ITSN2: variants seen among roughly 807,000 people sequenced by gnomAD.
The protein encoded by ITSN2 is intersectin 2.
Under a neutral mutation model 243.7 loss-of-function variants are expected in ITSN2, and 156 were observed. That is an observed-to-expected ratio of 0.64 (90% confidence interval 0.56 to 0.73). The LOEUF is 0.73. Ranked by LOEUF, ITSN2 falls within the 30% of genes least tolerant of loss-of-function variation. ITSN2 has a pLI of 0.00. For missense variants in ITSN2, 1,801 were observed against 1,996.1 expected (o/e 0.90, Z 1.86); for synonymous variants, 703 against 699.9 (o/e 1.00, Z -0.07).
At chr2:24,335,897 G>C (rs2151881354) in intron 1 of ITSN2, among the ~76,000 whole-genome samples, 1 of 152,008 alleles carries the variant, frequency 6.6e-6, no homozygotes, top group South Asian at 2.1e-4. Context: ...CTCCCAAAGT[G>C]CTGGGATTAC....
chr2:24,354,568 T>C (rs565888641), intron 1 of ITSN2, among the ~76,000 whole-genome samples: 3 of 152,254 alleles, frequency 2.0e-5, no homozygotes, highest in African/African-American at 7.2e-5. Flanking sequence ...ATAACAACAC[T>C]AGGAACTAGC....
chr2:24,329,310 G>A (rs1216853053), intron 1 of ITSN2, among the ~76,000 whole-genome samples: 1 of 152,108 alleles, frequency 6.6e-6, no homozygotes, highest in Non-Finnish European at 1.5e-5. Context: ...GCCCAGGCTG[G>A]AGTGCAGTGG....
In ITSN2 at chr2:24,284,861, T is replaced by A; in HGVS notation, c.1864-18A>T. Reference sequence around the variant, plus strand: ...TTCCCACACTGTAAGATAAGGCAGATAAAAAGCCAATTAAACTACGTACAG... The same window carrying A: ...TTCCCACACTGTAAGATAAGGCAGAAAAAAAGCCAATTAAACTACGTACAG... On this transcript the variant is annotated intron_variant, in intron 16 of 39. Coordinates refer to ENST00000355123, the MANE Select transcript of ITSN2 (RefSeq NM_006277.3). 1.6e-6 allele frequency: 2 copies of A among 1,270,116 alleles called. No individual in the cohort carries two copies. Among genetic ancestry groups the A allele is most frequent in the Non-Finnish European group, 2.2e-6 (2 of 894,320 alleles). 78.7% of individuals were successfully genotyped at this position (1,270,116 alleles called of 1,614,324 possible).
At chr2:24,347,667 T>G (rs1687665275) in intron 1 of ITSN2, among the ~76,000 whole-genome samples, 1 of 150,256 alleles carries the variant, frequency 6.7e-6, no homozygotes, top group African/African-American at 2.4e-5. Context: ...CCCTGAGCAA[T>G]AAGAGCGAAA....
intron 36 of ITSN2, among the ~76,000 whole-genome samples, chr2:24,208,650 C>T (rs1176323359): frequency 1.3e-5 from 2 of 152,196 alleles, no homozygotes; most frequent in African/African-American, 2.4e-5. Context: ...GTTGGCGCCG[C>T]GGAGGCACTG....
chr2:24,308,898 C>G (rs779110281), intron 7 of ITSN2, 142 bp from the exon 8 acceptor site: 10 of 622,172 alleles, frequency 1.6e-5, no homozygotes, highest in African/African-American at 1.8e-5. Context: ...CCGGGCTGGA[C>G]AGCGGGGCTC....
In ITSN2 at chr2:24,261,584, TAAAG is replaced by T; in HGVS notation, c.2510_2513del (p.Ser837TyrfsTer19). ...ACTCAGAGGAAGTTGAGGTAGCAGA[TAAAG>T]AAACTGTAGGAGGAAGTAAGGCCTT... is the stretch of plus-strand genomic sequence containing the variant. On this transcript the variant is annotated frameshift_variant, in exon 21 of 40. Coordinates refer to ENST00000355123, the MANE Select transcript of ITSN2 (RefSeq NM_006277.3). LOFTEE classifies it high-confidence loss of function. 1.2e-6 allele frequency: 2 copies of T among 1,612,696 alleles called. No individual in the cohort carries two copies. Among genetic ancestry groups the T allele is most frequent in the Non-Finnish European group, 8.5e-7 (1 of 1,179,464 alleles).
At position 24,210,040 on chromosome 2, in the gene ITSN2, GAGAA is replaced by G. The variant is rs1669314857; in HGVS notation, c.4258-11_4258-8del. 6.2e-7 allele frequency: 1 copy of G among 1,607,508 alleles called. No individual in the cohort carries two copies. The highest frequency in any genetic ancestry group is 1.3e-5 in the African/African-American group (1 of 74,774). ...GAGAGTTGAAAATAAGTTGCTTAAA[GAGAA>G]AGAAAATTTCACTTTTTAAATCCCG... On this transcript the variant is annotated splice_region_variant and splice_polypyrimidine_tract_variant and intron_variant, in intron 34 of 39. Coordinates refer to ENST00000355123, the MANE Select transcript of ITSN2 (RefSeq NM_006277.3).
intron 1 of ITSN2, among the ~76,000 whole-genome samples, chr2:24,353,381 G>C (rs2151947410): frequency 6.6e-6 from 1 of 152,252 alleles, no homozygotes; most frequent in East Asian, 1.9e-4. Context: ...CGAATCGTCT[G>C]AACTCAGGAG....
chr2:24,254,185 C>T (rs75009721), intron 24 of ITSN2, among the ~76,000 whole-genome samples, 182 bp downstream of exon 24: 1,789 of 152,244 alleles, frequency 0.012, 13 homozygotes, highest in Non-Finnish European at 0.019. Context: ...CATATTTTTT[C>T]TATATTCTCA....
chr2:24,347,425 G>A (rs887396587), intron 1 of ITSN2, among the ~76,000 whole-genome samples: 3 of 152,078 alleles, frequency 2.0e-5, no homozygotes, highest in East Asian at 3.9e-4. Context: ...TGGGGCTCAC[G>A]CCCGTAATCC....
At chr2:24,224,889 C>T (rs760811904) in intron 29 of ITSN2, among the ~76,000 whole-genome samples, 10 of 152,208 alleles carry the variant, frequency 6.6e-5, no homozygotes, top group Non-Finnish European at 1.2e-4. Flanking sequence ...CTCGGCCTCT[C>T]GAAGTGCTGG....
At chr2:24,268,637 C>T (rs1676960712) in intron 20 of ITSN2, among the ~76,000 whole-genome samples, 1 of 152,034 alleles carries the variant, frequency 6.6e-6, no homozygotes, top group Non-Finnish European at 1.5e-5. Flanking sequence ...ATAAATTATA[C>T]TTTAATAAGA....
chr2:24,273,209 T>C (rs1677592803), intron 18 of ITSN2, among the ~76,000 whole-genome samples: 1 of 152,220 alleles, frequency 6.6e-6, no homozygotes, highest in Non-Finnish European at 1.5e-5. Flanking sequence ...TCAGACTTCA[T>C]ACTGCTGGTT....
intron 1 of ITSN2, among the ~76,000 whole-genome samples, chr2:24,358,744 A>AT (rs890052924): frequency 1.3e-5 from 2 of 152,218 alleles, no homozygotes; most frequent in African/African-American, 2.4e-5. Context: ...GAAAATACAA[A>AT]TTTTTTAACA....
At position 24,203,526 on chromosome 2, in the gene ITSN2, T is replaced by A; in HGVS notation, c.*100A>T. ...CCAGCGTGCATGGCTTTGTGAGGGG[T>A]GAAGCTGCATGGTGCTCCCTCAGCC... On this transcript the variant is annotated 3_prime_UTR_variant, in exon 40 of 40. Coordinates refer to ENST00000355123, the MANE Select transcript of ITSN2 (RefSeq NM_006277.3). 8.2e-7 allele frequency: 1 copy of A among 1,219,572 alleles called. No individual in the cohort carries two copies. The allele number at this position is 1,219,572 out of a possible 1,614,324, so 75.5% of individuals were successfully genotyped here.
intron 1 of ITSN2, among the ~76,000 whole-genome samples, chr2:24,343,818 A>AT (rs1399497480): frequency 6.6e-6 from 1 of 152,132 alleles, no homozygotes; most frequent in African/African-American, 2.4e-5. Context: ...CCTCTAAGCA[A>AT]TTTTCCACAA....
chr2:24,278,936 G>C (rs1393230222), intron 17 of ITSN2, among the ~76,000 whole-genome samples: 5 of 152,134 alleles, frequency 3.3e-5, no homozygotes, highest in Non-Finnish European at 5.9e-5. Flanking sequence ...GCAGGTGTGA[G>C]CCACTGCACC....
intron 9 of ITSN2, 136 bp from the exon 10 acceptor site, chr2:24,302,238 G>A (rs562426254): frequency 4.6e-5 from 19 of 414,400 alleles, no homozygotes; most frequent in African/African-American, 3.5e-4. Context: ...TAGCTCTGTC[G>A]CTCAACCTGG....
Sources: gnomAD v4.1 joint callset for allele counts (sites outside exome capture counted in the v4.1 genomes callset) on GRCh38, gnomAD v4.1.1 for gene constraint, MANE v1.5 for transcripts, NCBI Gene and HGNC (gene_info 2026-07-23, HGNC 2026-07-21) for gene names.